OSBPL8: variants seen among roughly 807,000 people sequenced by gnomAD.
OSBPL8 encodes oxysterol-binding protein-related protein 8.
In OSBPL8, 59 loss-of-function variants were observed where a neutral mutation model predicts 125.5. The ratio of observed to expected loss-of-function variants is 0.47; its 90% CI spans 0.38 to 0.58. OSBPL8 has a LOEUF of 0.58. Ranked by LOEUF, OSBPL8 falls within the 20% of genes least tolerant of loss-of-function variation. The pLI, the probability that OSBPL8 is intolerant of heterozygous loss-of-function variation, is 0.00. For synonymous variants in OSBPL8, 330 were observed against 338.9 expected, an observed-to-expected ratio of 0.97 and a Z score of 0.29; for missense variants, 758 against 1,047.8, an observed-to-expected ratio of 0.72 and a Z score of 3.82.
intron 12 of OSBPL8, among the ~76,000 whole-genome samples, chr12:76,388,168 C>A (rs1953398983): frequency 6.6e-6 from 1 of 152,174 alleles, no homozygotes; most frequent in Admixed American, 6.5e-5. Context: ...GTGCTGGACA[C>A]TGGAGTTATA....
chr12:76,518,474 G>C (rs772270065), intron 1 of OSBPL8, among the ~76,000 whole-genome samples: 41 of 152,140 alleles, frequency 2.7e-4, no homozygotes, highest in Non-Finnish European at 5.3e-4. Context: ...TACCATTCTG[G>C]GGTCTGGAGG....
intron 2 of OSBPL8, among the ~76,000 whole-genome samples, chr12:76,461,945 T>C (rs1874795895): frequency 1.3e-5 from 2 of 152,206 alleles, no homozygotes; most frequent in African/African-American, 4.8e-5. Flanking sequence ...ACTGGAAAAC[T>C]GGAAAAAAGT....
chr12:76,431,038 AAGT>A (rs1164043745), intron 4 of OSBPL8, among the ~76,000 whole-genome samples: 4 of 152,204 alleles, frequency 2.6e-5, no homozygotes, highest in African/African-American at 9.6e-5. Context: ...TAGAAGACAG[AAGT>A]AGAATAACTA....
intron 9 of OSBPL8, 63 bp downstream of exon 9, chr12:76,394,582 G>T: frequency 9.0e-7 from 1 of 1,108,114 alleles, no homozygotes; most frequent in Non-Finnish European, 1.3e-6. Flanking sequence ...ATAATACAAA[G>T]TGGCATTAAA....
chr12:76,391,015 T>G (rs1953536103), intron 10 of OSBPL8, among the ~76,000 whole-genome samples: 1 of 152,150 alleles, frequency 6.6e-6, no homozygotes, highest in Non-Finnish European at 1.5e-5. Flanking sequence ...CAGCATCACT[T>G]GCATCAATCT....
At chr12:76,553,741 C>T (rs1431535877) in intron 1 of OSBPL8, among the ~76,000 whole-genome samples, 1 of 150,722 alleles carries the variant, frequency 6.6e-6, no homozygotes, top group Non-Finnish European at 1.5e-5. Flanking sequence ...TTTGGGAGGA[C>T]GAGGCAGGTG....
chr12:76,367,656 TTG>T (rs1952471060), intron 21 of OSBPL8, among the ~76,000 whole-genome samples: 1 of 152,224 alleles, frequency 6.6e-6, no homozygotes, highest in South Asian at 2.1e-4. Context: ...CTGCCTGCTT[TTG>T]TGTTTGCTTC....
chr12:76,362,550 T>C (rs1013216870), intron 21 of OSBPL8, among the ~76,000 whole-genome samples: 10 of 152,096 alleles, frequency 6.6e-5, no homozygotes, highest in African/African-American at 2.4e-4. Flanking sequence ...TAAGAGCTAT[T>C]TATGACAAAC....
chr12:76,371,743 T>C, intron 18 of OSBPL8, 159 bp from the exon 19 acceptor site: 1 of 599,942 alleles, frequency 1.7e-6, no homozygotes, highest in Non-Finnish European at 2.4e-6. Flanking sequence ...ACTCCAAGTT[T>C]CTTATCATTT....
At chr12:76,542,729 C>T (rs548856696) in intron 1 of OSBPL8, among the ~76,000 whole-genome samples, 61 of 152,328 alleles carry the variant, frequency 4.0e-4, no homozygotes, top group Admixed American at 1.6e-3. Flanking sequence ...CTAAACCTGA[C>T]CATTTCACTC....
intron 1 of OSBPL8, among the ~76,000 whole-genome samples, chr12:76,514,351 C>T (rs1351902862): frequency 1.3e-5 from 2 of 151,328 alleles, no homozygotes; most frequent in Non-Finnish European, 2.9e-5. Context: ...ACAGGTTTCA[C>T]CATATTGGCC....
At chr12:76,421,693 C>T (rs1731132999) in intron 4 of OSBPL8, among the ~76,000 whole-genome samples, 1 of 151,848 alleles carries the variant, frequency 6.6e-6, no homozygotes, top group Non-Finnish European at 1.5e-5. Flanking sequence ...TTAAATAGTA[C>T]TTTTATTTTA....
At chr12:76,379,804 G>A (rs1187342749) in intron 15 of OSBPL8, among the ~76,000 whole-genome samples, 1 of 152,088 alleles carries the variant, frequency 6.6e-6, no homozygotes, top group East Asian at 1.9e-4. Flanking sequence ...ATAATGTTGT[G>A]TATACTTAAG....
intron 4 of OSBPL8, among the ~76,000 whole-genome samples, chr12:76,443,435 T>C (rs1012544059): frequency 6.6e-6 from 1 of 152,170 alleles, no homozygotes; most frequent in Non-Finnish European, 1.5e-5. Context: ...GGCTCCAGGC[T>C]CCTTTGGCAT....
chr12:76,500,459 C>T (rs1879787112), intron 1 of OSBPL8, among the ~76,000 whole-genome samples: 1 of 152,168 alleles, frequency 6.6e-6, no homozygotes, highest in Non-Finnish European at 1.5e-5. Context: ...TCTCTTGATT[C>T]TTGAACTTCC....
chr12:76,403,141 C>G (rs898733199), intron 5 of OSBPL8, among the ~76,000 whole-genome samples: 2 of 152,118 alleles, frequency 1.3e-5, no homozygotes, highest in Non-Finnish European at 2.9e-5. Flanking sequence ...AACAAAGACA[C>G]AAATTCTAAC....
intron 2 of OSBPL8, among the ~76,000 whole-genome samples, chr12:76,483,300 T>A (rs954447354): frequency 6.8e-6 from 1 of 147,516 alleles, no homozygotes; most frequent in African/African-American, 2.5e-5. Context: ...CAGTGGCTCA[T>A]GTCTGTAATC....
intron 4 of OSBPL8, among the ~76,000 whole-genome samples, chr12:76,425,547 G>C (rs1329442119): frequency 2.0e-5 from 3 of 152,086 alleles, no homozygotes; most frequent in African/African-American, 7.2e-5. Context: ...ATATAAAAGA[G>C]GTGTCATTAC....
At chr12:76,356,766 A>T (rs774198660) in intron 22 of OSBPL8, 38 bp from the exon 23 acceptor site, 1 of 1,379,200 alleles carries the variant, frequency 7.3e-7, no homozygotes, top group Non-Finnish European at 1.0e-6. Flanking sequence ...AACTATAAAA[A>T]TAATCTACAG....
Sources: allele counts gnomAD v4.1 joint callset (sites outside exome capture counted in the v4.1 genomes callset), GRCh38; gene constraint gnomAD v4.1.1; transcripts MANE v1.5; gene names NCBI Gene and HGNC (gene_info 2026-07-23, HGNC 2026-07-21).